RABGEF1: variants seen among roughly 807,000 people sequenced by gnomAD.
The protein encoded by RABGEF1 is RAB guanine nucleotide exchange factor 1, also known as rab5 GDP/GTP exchange factor.
Under a neutral mutation model 57.3 loss-of-function variants are expected in RABGEF1, and 26 were observed. That is an observed-to-expected ratio of 0.45 (90% CI 0.33 to 0.63). The LOEUF (loss-of-function observed/expected upper bound fraction) is 0.63. Ranked by LOEUF, RABGEF1 falls within the 20% of genes least tolerant of loss-of-function variation. The pLI, the probability that RABGEF1 is intolerant of heterozygous loss-of-function variation, is 0.02. For synonymous variants in RABGEF1, 185 were observed against 210.7 expected (o/e 0.88, Z 1.06); for missense variants, 464 against 607.6 (o/e 0.76, Z 2.48).
chr7:66,733,605 G>A (rs1797591820), intron 2 of RABGEF1, among the ~76,000 whole-genome samples: 1 of 152,188 alleles, frequency 6.6e-6, no homozygotes, highest in East Asian at 1.9e-4. Flanking sequence ...GGCTGAGGCA[G>A]AAGAATTGCG....
At chr7:66,663,365 C>G in the RABGEF1 span, among the ~76,000 whole-genome samples, 24 of 152,224 alleles carry the variant, frequency 1.6e-4, no homozygotes, top group African/African-American at 5.8e-4. Context: ...CCTATAGTGC[C>G]GCTGGGTTAG....
the RABGEF1 span, among the ~76,000 whole-genome samples, chr7:66,676,381 C>T: frequency 6.6e-6 from 1 of 152,128 alleles, no homozygotes; most frequent in Admixed American, 6.6e-5. Context: ...AAAATCCTCA[C>T]ATACTCAAGC....
chr7:66,686,529 A>ATTGCT (rs1790663397), intron 1 of RABGEF1, among the ~76,000 whole-genome samples: 1 of 152,134 alleles, frequency 6.6e-6, no homozygotes, highest in Non-Finnish European at 1.5e-5. Context: ...TTAAATATAC[A>ATTGCT]CTTTTATCAT....
Position 66,809,196 on chromosome 7 carries a change from C to T in RABGEF1, c.1388C>T (p.Pro463Leu), listed in dbSNP as rs866444320. ...VEKYPLEIKP[P>L]NQPLAAIDSE... ...AAATACCCACTGGAAATTAAGCCTC[C>T]GAATCAACCGTTAGCAGCTATTGAC... Residue 463 changes from proline (P) to leucine (L), a missense_variant, in exon 9 of 9, where the codon CCG (proline) becomes CTG (leucine). Around this residue, in one of 4 missense-constraint regions of RABGEF1, gnomAD observed 151 missense variants for 152.2 expected, o/e 0.99. Transcript: ENST00000284957. 6.8e-6 allele frequency: 11 copies of T among 1,614,038 alleles called. No individual in the cohort carries two copies. Among genetic ancestry groups the T allele is most frequent in the African/African-American group, 5.3e-5 (4 of 74,906 alleles).
chr7:66,660,462 C>T, the RABGEF1 span, among the ~76,000 whole-genome samples: 1 of 151,852 alleles, frequency 6.6e-6, no homozygotes. Flanking sequence ...ATTGAATAAC[C>T]AAATGAAATG....
At chr7:66,792,110 C>CA (rs200920841) in intron 4 of RABGEF1, among the ~76,000 whole-genome samples, 177 of 90,788 alleles carry the variant, frequency 1.9e-3, no homozygotes, top group Middle Eastern at 7.6e-3. Context: ...GACTCCATCT[C>CA]AAAAAAAAAA....
At chr7:66,782,465 CTT>C (rs199988808) in intron 3 of RABGEF1, among the ~76,000 whole-genome samples, 20 of 139,476 alleles carry the variant, frequency 1.4e-4, no homozygotes, top group East Asian at 2.1e-4. Flanking sequence ...ACATACCTTA[CTT>C]TTTTTTTTTT....
intron 7 of RABGEF1, among the ~76,000 whole-genome samples, chr7:66,800,030 C>CA (rs921280152): frequency 6.6e-5 from 10 of 151,236 alleles, no homozygotes; most frequent in East Asian, 3.9e-4. Flanking sequence ...GTTTAAATTA[C>CA]AAAAAAAAAT....
chr7:66,797,335 T>G, intron 5 of RABGEF1, 39 bp from the exon 6 acceptor site: 2 of 1,431,894 alleles, frequency 1.4e-6, no homozygotes, highest in East Asian at 2.6e-5. Context: ...AGAGAAAAAA[T>G]ATATATATCT....
At chr7:66,659,490 G>C in the RABGEF1 span, among the ~76,000 whole-genome samples, 1 of 150,264 alleles carries the variant, frequency 6.7e-6, no homozygotes, top group African/African-American at 2.4e-5. Flanking sequence ...AGAAAACACT[G>C]CCCAACTGGC....
chr7:66,811,464 A>G lies in RABGEF1; in HGVS notation c.*2180A>G, dbSNP rs1789443952. 1 of 152,622 alleles carries G rather than the reference A, an allele frequency of 6.6e-6. No individual in the cohort carries two copies. Among genetic ancestry groups the G allele is most frequent in the African/African-American group, 2.4e-5 (1 of 41,460 alleles). The allele number at this position is 152,622 out of a possible 1,614,324, so 9.5% of individuals were successfully genotyped here. A position where few individuals can be genotyped will look rare whatever the true frequency, so the allele number is the denominator to read the frequency against. On this transcript the variant is annotated 3_prime_UTR_variant, in exon 9 of 9. Coordinates refer to ENST00000284957, the MANE Select transcript of RABGEF1 (RefSeq NM_014504.3). ...TTCACAATCCGTCCCTCTTCCAAAA[A>G]TTGATTTGGTTCTTTCTTAGGAAAA...
intron 3 of RABGEF1, among the ~76,000 whole-genome samples, chr7:66,778,724 GC>G (rs1290914861): frequency 1.3e-5 from 2 of 152,130 alleles, no homozygotes; most frequent in African/African-American, 4.8e-5. Context: ...GGAAAAAAGG[GC>G]CCCTTCAATA....
chr7:66,658,881 G>T, the RABGEF1 span, among the ~76,000 whole-genome samples: 1 of 151,860 alleles, frequency 6.6e-6, no homozygotes, highest in Non-Finnish European at 1.5e-5. Flanking sequence ...GACTACAGGC[G>T]CCCACCACAA....
intron 1 of RABGEF1, among the ~76,000 whole-genome samples, chr7:66,699,811 C>T (rs1792953557): frequency 6.6e-6 from 1 of 151,948 alleles, no homozygotes; most frequent in Non-Finnish European, 1.5e-5. Flanking sequence ...CAAAGTCATG[C>T]CACTCCACTT....
At chr7:66,736,951 CA>C (rs1270395110), upstream of RABGEF1, among the ~76,000 whole-genome samples, 26 of 152,138 alleles carry the variant, frequency 1.7e-4, no homozygotes, top group Admixed American at 9.2e-4. Flanking sequence ...CACACGTACA[CA>C]CACACGCACA....
chr7:66,796,769 T>G, intron 5 of RABGEF1: 1 of 325,412 alleles, frequency 3.1e-6, no homozygotes, highest in South Asian at 2.2e-5. Context: ...TTTTGTATTT[T>G]TATTAGAGAG....
At chr7:66,703,104 G>T (rs559093913) in intron 1 of RABGEF1, among the ~76,000 whole-genome samples, 4 of 152,220 alleles carry the variant, frequency 2.6e-5, no homozygotes, top group African/African-American at 9.6e-5. Context: ...CTCCCAAGTA[G>T]TTGGGACTAT....
chr7:66,696,771 C>G (rs911267009), intron 1 of RABGEF1, among the ~76,000 whole-genome samples: 11 of 151,174 alleles, frequency 7.3e-5, no homozygotes, highest in African/African-American at 2.4e-4. Flanking sequence ...CATGGGAGAG[C>G]AAAAGGAAGT....
chr7:66,755,955 T>G (rs1802606127), intron 1 of RABGEF1: 2 of 850,112 alleles, frequency 2.4e-6, no homozygotes, highest in Admixed American at 3.2e-5. Flanking sequence ...ACTCTGACAT[T>G]GACATTCACA....
Sources: allele counts gnomAD v4.1 joint callset (sites outside exome capture counted in the v4.1 genomes callset), GRCh38; gene constraint gnomAD v4.1.1; regional missense constraint gnomAD v4.1.1; transcripts MANE v1.5; gene names NCBI Gene and HGNC (gene_info 2026-07-23, HGNC 2026-07-21).